The following IQCE variants were observed in gnomAD, a reference collection of about 807,000 sequenced individuals.
IQCE encodes the protein IQ motif containing E, also known as IQ domain-containing protein E.
In IQCE, 115 loss-of-function variants were observed where a neutral mutation model predicts 96.0. The observed-to-expected ratio is 1.20, with a 90% CI of 1.03 to 1.40. IQCE has a LOEUF of 1.40. IQCE is among the 40% of genes most tolerant of loss of function. IQCE has a pLI of 0.00. For synonymous variants in IQCE, 412 were observed against 371.2 expected (o/e 1.11, Z -1.26); for missense variants, 1,041 against 909.1 (o/e 1.15, Z -1.87).
intron 21 of IQCE, among the ~76,000 whole-genome samples, chr7:2,609,247 C>T (rs1056755000): frequency 1.3e-5 from 2 of 151,638 alleles, no homozygotes; most frequent in Non-Finnish European, 2.9e-5. Flanking sequence ...AAGCTCACAG[C>T]GATCCGTGCC....
chr7:2,561,892 C>G (rs1780995507), intron 1 of IQCE, among the ~76,000 whole-genome samples: 1 of 152,162 alleles, frequency 6.6e-6, no homozygotes, highest in African/African-American at 2.4e-5. Flanking sequence ...CTTTTATTTA[C>G]TTTTCTCACA....
At chr7:2,568,874 C>G in intron 2 of IQCE, 80 bp from the exon 3 acceptor site, 1 of 1,324,294 alleles carries the variant, frequency 7.6e-7, no homozygotes, top group South Asian at 1.2e-5. Flanking sequence ...GACCCCTGAC[C>G]CTTTCTGAAC....
At chr7:2,560,138 CAG>C (rs1359710601) in intron 1 of IQCE, among the ~76,000 whole-genome samples, 2 of 151,758 alleles carry the variant, frequency 1.3e-5, no homozygotes, top group African/African-American at 4.8e-5. Context: ...GCCTGAGAGA[CAG>C]AGTGAGGCTG....
chr7:2,597,193 C>G (rs1275855449), intron 16 of IQCE: 3 of 461,870 alleles, frequency 6.5e-6, no homozygotes, highest in African/African-American at 4.0e-5. Flanking sequence ...TCAGCAGGAT[C>G]TGGGCCACAG....
intron 11 of IQCE, among the ~76,000 whole-genome samples, chr7:2,585,048 A>AT (rs34559707): frequency 0.19 from 26,092 of 140,432 alleles, 2,682 homozygotes; most frequent in East Asian, 0.33. Flanking sequence ...TGCTCATAAC[A>AT]TTTTTTTTTT....
At position 2,607,543 on chromosome 7, in the gene IQCE, C is replaced by T. The variant is rs538684570; in HGVS notation, c.1969+316C>T. ...TCTCCTGTTTGTTTGTTGAGTAAAA[C>T]CGTGTTATTGTTTCCTTTTCTACTT... On this transcript the variant is annotated intron_variant, in intron 21 of 21. Coordinates refer to ENST00000402050, the MANE Select transcript of IQCE (RefSeq NM_152558.5). 7.0e-6 allele frequency: 9 copies of T among 1,279,182 alleles called. No individual in the cohort carries two copies. In the South Asian group the frequency reaches 1.1e-4, roughly 16 times the overall value. The allele number at this position is 1,279,182 out of a possible 1,614,324, so 79.2% of individuals were successfully genotyped here.
Position 2,612,762 on chromosome 7 carries a change from A to G in IQCE, c.*2600A>G, listed in dbSNP as rs901624977. The G allele has an allele frequency of 4.6e-3, 548 of 119,900 alleles. No homozygotes were observed. The highest frequency in any genetic ancestry group is 5.8e-3 in the Non-Finnish European group (310 of 53,444). 7.4% of individuals were successfully genotyped at this position (119,900 alleles called of 1,614,324 possible). A position where few individuals can be genotyped will look rare whatever the true frequency, so the allele number is the denominator to read the frequency against. The stretch of plus-strand genomic sequence containing the variant: ...TAGTCATGGGAGGGGTGAGCTGTGG[A>G]TGGGGCCTAGCCATGGGAGGGGTGA... On this transcript the variant is annotated 3_prime_UTR_variant, in exon 22 of 22. Transcript: ENST00000402050.
In IQCE at chr7:2,578,356, G is replaced by T. The variant is rs761425305; in HGVS notation, c.579+1G>T. Reference sequence around the variant, plus strand: ...AGAGCAGCTCCTGGATCCCAGCCGCGTAAGCTCCTGGCGCTTCACGGACGG... The same window carrying T: ...AGAGCAGCTCCTGGATCCCAGCCGCTTAAGCTCCTGGCGCTTCACGGACGG... On this transcript the variant is annotated splice_donor_variant, in intron 7 of 21. Transcript: ENST00000402050. LOFTEE classifies it high-confidence loss of function. 3 of 1,613,220 alleles carry T rather than the reference G, an allele frequency of 1.9e-6. No individual in the cohort carries two copies. Among genetic ancestry groups the T allele is most frequent in the Non-Finnish European group, 2.5e-6 (3 of 1,179,492 alleles).
In IQCE at chr7:2,614,019, CA is replaced by C. The variant is rs1443158973; in HGVS notation, c.*3858del. The C allele has an allele frequency of 6.6e-6, 1 of 152,278 alleles. No individual in the cohort carries two copies. Among genetic ancestry groups the C allele is most frequent in the African/African-American group, 2.4e-5 (1 of 41,470 alleles). 9.4% of individuals were successfully genotyped at this position (152,278 alleles called of 1,614,324 possible). On this transcript the variant is annotated 3_prime_UTR_variant, in exon 22 of 22. Transcript: ENST00000402050. ...TAAAATAGCCAAACGACGCTGGTCG[CA>C]TGCGCTGGCTGTGGTCTGTCTGCTG...
At chr7:2,574,294 C>T (rs1274299633) in intron 6 of IQCE, among the ~76,000 whole-genome samples, 2 of 152,242 alleles carry the variant, frequency 1.3e-5, no homozygotes, top group African/African-American at 4.8e-5. Flanking sequence ...GCATTGGCAG[C>T]CTCGTCCCCA....
intron 17 of IQCE, 30 bp downstream of exon 17, chr7:2,598,662 T>C (rs1402796525): frequency 6.8e-7 from 1 of 1,462,064 alleles, no homozygotes; most frequent in Admixed American, 2.6e-5. Context: ...CCCGGGCTGC[T>C]CCCTGTGAGT....
At chr7:2,594,447 C>T (rs552121123) in intron 15 of IQCE, among the ~76,000 whole-genome samples, 2 of 152,128 alleles carry the variant, frequency 1.3e-5, no homozygotes, top group East Asian at 1.9e-4. Context: ...TTACTAAAAC[C>T]CCAGTGGTCA....
At position 2,593,145 on chromosome 7, in the gene IQCE, G is replaced by T; in HGVS notation, c.1349+19G>T. ...TTTTGAGGTATGTGACCCGGGTCAGGGCTGGAGAGGACCCAGGCGAGTCCG... is the reference window on the plus strand; with the variant it reads ...TTTTGAGGTATGTGACCCGGGTCAGTGCTGGAGAGGACCCAGGCGAGTCCG... On this transcript the variant is annotated intron_variant, in intron 15 of 21. Transcript: ENST00000402050. 1 of 1,602,532 alleles carries T rather than the reference G, an allele frequency of 6.2e-7. No homozygotes were observed.
intron 9 of IQCE, among the ~76,000 whole-genome samples, chr7:2,583,294 T>TG (rs1469771321): frequency 1.3e-5 from 2 of 152,164 alleles, no homozygotes; most frequent in Non-Finnish European, 2.9e-5. Context: ...AAAGACGGCT[T>TG]GTCCTTTCTA....
intron 6 of IQCE, among the ~76,000 whole-genome samples, chr7:2,575,263 C>T (rs1782033789): frequency 6.6e-6 from 1 of 152,224 alleles, no homozygotes; most frequent in South Asian, 2.1e-4. Context: ...TCGTTATCAC[C>T]CGCGAGGGTG....
At chr7:2,601,567 C>A in intron 18 of IQCE, 103 bp downstream of exon 18, 1 of 899,044 alleles carries the variant, frequency 1.1e-6, no homozygotes, top group South Asian at 1.4e-5. Context: ...CTTTTTTTTT[C>A]GAGATGGAAT....
At chr7:2,561,739 A>G (rs1457947111) in intron 1 of IQCE, among the ~76,000 whole-genome samples, 1 of 152,208 alleles carries the variant, frequency 6.6e-6, no homozygotes, top group Non-Finnish European at 1.5e-5. Flanking sequence ...ATATTTTTAT[A>G]TGAATCTCAT....
At position 2,613,133 on chromosome 7, in the gene IQCE, T is replaced by C. The variant is rs573226373; in HGVS notation, c.*2971T>C. 9 of 152,356 alleles carry C rather than the reference T, an allele frequency of 5.9e-5. No individual in the cohort carries two copies. The highest frequency in any genetic ancestry group is 2.2e-4 in the African/African-American group (9 of 41,578). The allele number at this position is 152,356 out of a possible 1,614,324, so 9.4% of individuals were successfully genotyped here. On this transcript the variant is annotated 3_prime_UTR_variant, in exon 22 of 22. Coordinates refer to ENST00000402050, the MANE Select transcript of IQCE (RefSeq NM_152558.5). ...AATAACACACTCTTTCTCTATCCCA[T>C]GCCCTTTAAACAAGCAGCCACAGGA...
In IQCE at chr7:2,603,952, G is replaced by A. The variant is rs546522928; in HGVS notation, c.1633-929G>A. Reference sequence around the variant, plus strand: ...ATCGTTCAAAAATAAGTGCTTCCCCGAAAATGGAGTGTGAACTTCTTACGG... The same window carrying A: ...ATCGTTCAAAAATAAGTGCTTCCCCAAAAATGGAGTGTGAACTTCTTACGG... On this transcript the variant is annotated intron_variant, in intron 18 of 21. Coordinates refer to ENST00000402050, the MANE Select transcript of IQCE (RefSeq NM_152558.5). Among the ~76,000 whole-genome samples the A allele has an allele frequency of 4.5e-4, 68 of 150,146 alleles. 1 individual carries two copies. The highest frequency in any genetic ancestry group is 1.8e-3 in the East Asian group (9 of 5,110).
Sources: gnomAD v4.1 joint callset for allele counts (sites outside exome capture counted in the v4.1 genomes callset) on GRCh38, gnomAD v4.1.1 for gene constraint, MANE v1.5 for transcripts, NCBI Gene and HGNC (gene_info 2026-07-23, HGNC 2026-07-21) for gene names.